Variants in KLB observed in about 807,000 individuals in gnomAD.
The protein encoded by KLB is klotho beta, also known as beta-klotho.
A neutral mutation model predicts 88.4 loss-of-function variants in KLB; 44 were observed. That is an observed-to-expected ratio of 0.50 (90% CI 0.39 to 0.64). KLB has a LOEUF of 0.64. Ranked by LOEUF, KLB falls within the 30% of genes least tolerant of loss-of-function variation. The pLI, the probability that KLB is intolerant of heterozygous loss-of-function variation, is 0.00. For missense variants in KLB, 1,137 were observed against 1,304.8 expected, an observed-to-expected ratio of 0.87 and a Z score of 1.98; for synonymous variants, 548 against 513.4, an observed-to-expected ratio of 1.07 and a Z score of -0.91.
At chr4:39,420,608 T>G (rs1209047233) in intron 1 of KLB, among the ~76,000 whole-genome samples, 1 of 152,086 alleles carries the variant, frequency 6.6e-6, no homozygotes, top group Non-Finnish European at 1.5e-5. Flanking sequence ...CACTGCAGCC[T>G]CAACTTCCTG....
chr4:39,446,736 C>G lies in KLB; in HGVS notation c.2010C>G (p.Phe670Leu). ...GWLNPSTAEAFQAYAGLCFQE... is the reference protein window; with the variant it reads ...GWLNPSTAEALQAYAGLCFQE... The stretch of plus-strand genomic sequence containing the variant: ...TGAACCCATCGACGGCCGAGGCCTT[C>G]CAGGCCTACGCTGGGCTGTGCTTCC... The change falls in exon 4 of 5, where the codon TTC (phenylalanine) becomes TTG (leucine). Residue 670 changes from phenylalanine to leucine, a missense_variant. Phe to Leu is a conservative substitution (Grantham distance 22). Coordinates refer to ENST00000257408, the MANE Select transcript of KLB (RefSeq NM_175737.4). The surrounding 1 kb of genome is among the most constrained non-coding windows in gnomAD (Gnocchi z 6.4). 1 of 1,605,572 alleles carries G rather than the reference C, an allele frequency of 6.2e-7. No homozygotes were observed. The highest frequency in any genetic ancestry group is 8.5e-7 in the Non-Finnish European group (1 of 1,175,230).
At chr4:39,425,929 C>G (rs2109829071) in intron 1 of KLB, among the ~76,000 whole-genome samples, 1 of 150,100 alleles carries the variant, frequency 6.7e-6, no homozygotes, top group South Asian at 2.1e-4. Context: ...ACCAGCCTGG[C>G]CAACATGGTG....
chr4:39,426,297 C>A (rs1179982145), intron 1 of KLB, among the ~76,000 whole-genome samples: 2 of 149,712 alleles, frequency 1.3e-5, no homozygotes, highest in Non-Finnish European at 3.0e-5. Flanking sequence ...TGCTTATAGT[C>A]CCAGCTACTC....
chr4:39,431,461 G>A (rs901845276), intron 1 of KLB, among the ~76,000 whole-genome samples: 1 of 152,050 alleles, frequency 6.6e-6, no homozygotes, highest in African/African-American at 2.4e-5. Context: ...ATGTTGATCA[G>A]GCTGGTCTGG....
chr4:39,421,166 T>C (rs533677073), intron 1 of KLB, among the ~76,000 whole-genome samples: 22 of 152,306 alleles, frequency 1.4e-4, no homozygotes, highest in Admixed American at 3.9e-4. Context: ...GGCTACCTTG[T>C]TTTTCTAAAT....
chr4:39,445,037 T>C (rs961661468), intron 3 of KLB, among the ~76,000 whole-genome samples: 1 of 152,244 alleles, frequency 6.6e-6, no homozygotes, highest in African/African-American at 2.4e-5. Flanking sequence ...TTTCCCTTAT[T>C]AATCTTGAAT....
At chr4:39,443,938 C>T (rs1164097377) in intron 3 of KLB, among the ~76,000 whole-genome samples, 3 of 151,856 alleles carry the variant, frequency 2.0e-5, no homozygotes, top group South Asian at 2.1e-4. Flanking sequence ...GGGTGGATCA[C>T]TTGAGGTCAG....
chr4:39,434,812 C>CT (rs200875313), intron 2 of KLB, 92 bp downstream of exon 2: 87,226 of 768,906 alleles, frequency 0.11, 579 homozygotes, highest in East Asian at 0.14. Context: ...TATTGTTGGG[C>CT]TTTTTTTTTT....
intron 1 of KLB, among the ~76,000 whole-genome samples, chr4:39,427,202 G>T (rs950318335): frequency 1.3e-5 from 2 of 152,136 alleles, no homozygotes; most frequent in Non-Finnish European, 2.9e-5. Flanking sequence ...TCAGCTTGAG[G>T]CCGGACGCGG....
intron 3 of KLB, among the ~76,000 whole-genome samples, chr4:39,442,934 A>T (rs2109842646): frequency 6.6e-6 from 1 of 152,300 alleles, no homozygotes; most frequent in African/African-American, 2.4e-5. Flanking sequence ...AGATTAAAAA[A>T]ATCTTTGATT....
Position 39,447,238 on chromosome 4 carries a change from G to C in KLB, c.2512G>C (p.Gly838Arg). Residue 838 changes from glycine (G) to arginine (R), a missense_variant, in exon 4 of 5, where the codon GGC becomes CGC. This residue lies in a region of KLB where 426 missense variants were observed against 404.6 expected (regional missense o/e 1.05). Coordinates refer to ENST00000257408, the MANE Select transcript of KLB (RefSeq NM_175737.4). ...TRFVMHEQLAGSRYDSDRDIQ... is the reference protein window; with the variant it reads ...TRFVMHEQLARSRYDSDRDIQ... ...GTTCGTGATGCACGAGCAGCTGGCC[G>C]GCAGCCGCTACGACTCGGACAGGGA... is the stretch of plus-strand genomic sequence containing the variant. 6.2e-7 allele frequency: 1 copy of C among 1,614,054 alleles called. No individual in the cohort carries two copies. The highest frequency in any genetic ancestry group is 8.5e-7 in the Non-Finnish European group (1 of 1,180,028).
intron 1 of KLB, among the ~76,000 whole-genome samples, chr4:39,424,515 C>T (rs1267626333): frequency 1.3e-5 from 2 of 151,780 alleles, no homozygotes; most frequent in African/African-American, 2.4e-5. Flanking sequence ...GTAAGCAAGG[C>T]GACCTGAAGC....
intron 1 of KLB, among the ~76,000 whole-genome samples, chr4:39,420,620 G>C (rs1489605592): frequency 1.3e-5 from 2 of 151,968 alleles, no homozygotes; most frequent in African/African-American, 4.8e-5. Flanking sequence ...AACTTCCTGG[G>C]CTCAAGTGAT....
chr4:39,416,795 T>C (rs1742972553), intron 1 of KLB, among the ~76,000 whole-genome samples: 1 of 151,958 alleles, frequency 6.6e-6, no homozygotes, highest in South Asian at 2.1e-4. Flanking sequence ...AAGTAAATAA[T>C]AAAACTGCAA....
At chr4:39,422,286 A>G (rs1743105942) in intron 1 of KLB, among the ~76,000 whole-genome samples, 1 of 152,186 alleles carries the variant, frequency 6.6e-6, no homozygotes, top group African/African-American at 2.4e-5. Flanking sequence ...TGGGCAGGTC[A>G]TTTATGTGGG....
intron 4 of KLB, among the ~76,000 whole-genome samples, 184 bp from the exon 5 acceptor site, chr4:39,448,117 T>C (rs767014441): frequency 9.2e-5 from 14 of 152,210 alleles, no homozygotes; most frequent in Admixed American, 4.6e-4. Flanking sequence ...ACTTAAATTA[T>C]ACATATTTTC....
chr4:39,424,865 G>A (rs1311726600), intron 1 of KLB, among the ~76,000 whole-genome samples: 1 of 152,030 alleles, frequency 6.6e-6, no homozygotes, highest in Non-Finnish European at 1.5e-5. Context: ...CTGACCTCAA[G>A]TGATCCACCC....
intron 3 of KLB, among the ~76,000 whole-genome samples, chr4:39,443,684 C>T (rs1269869416): frequency 6.7e-6 from 1 of 149,258 alleles, no homozygotes; most frequent in East Asian, 2.0e-4. Context: ...TCACTTGAAC[C>T]TCAGAGACGG....
chr4:39,444,136 G>T (rs1017230170), intron 3 of KLB, among the ~76,000 whole-genome samples: 12 of 152,064 alleles, frequency 7.9e-5, no homozygotes, highest in Non-Finnish European at 7.4e-5. Context: ...CAGCCTGGGC[G>T]ACAAGAACAA....
Sources: gnomAD v4.1 joint callset for allele counts (sites outside exome capture counted in the v4.1 genomes callset) on GRCh38, gnomAD v4.1.1 for gene constraint, gnomAD v4.1.1 regional missense constraint, Gnocchi (gnomAD v3.1) non-coding constraint, MANE v1.5 for transcripts, NCBI Gene and HGNC (gene_info 2026-07-23, HGNC 2026-07-21) for gene names.